The following MSI1 variants were observed in gnomAD, a reference collection of about 807,000 sequenced individuals.
MSI1 encodes the protein RNA-binding protein Musashi homolog 1.
Under a neutral mutation model 54.4 loss-of-function variants are expected in MSI1, and 15 were observed. The observed-to-expected ratio is 0.28, with a 90% confidence interval of 0.18 to 0.42. The LOEUF is 0.42. Ranked by LOEUF, MSI1 falls within the 20% of genes least tolerant of loss-of-function variation. The probability of loss-of-function intolerance (pLI) is 1.00; values close to 1 mark genes in which losing one functional copy is unlikely to be tolerated. For missense variants in MSI1, 304 were observed against 506.0 expected, an observed-to-expected ratio of 0.60 and a Z score of 3.83; for synonymous variants, 200 against 196.5, an observed-to-expected ratio of 1.02 and a Z score of -0.15.
At chr12:120,367,134 G>A (rs1035803377) in intron 4 of MSI1, among the ~76,000 whole-genome samples, 1 of 152,100 alleles carries the variant, frequency 6.6e-6, no homozygotes, top group African/African-American at 2.4e-5. Context: ...TTGGGCACAA[G>A]CAGCTATTGT....
chr12:120,345,087 C>T (rs544893668), intron 14 of MSI1, among the ~76,000 whole-genome samples: 1 of 152,052 alleles, frequency 6.6e-6, no homozygotes, highest in African/African-American at 2.4e-5. Flanking sequence ...GCTGGTGGCT[C>T]ACACCTGTAA....
At chr12:120,340,006 TG>T (rs1220479813), downstream of MSI1, among the ~76,000 whole-genome samples, 2 of 152,042 alleles carry the variant, frequency 1.3e-5, no homozygotes, top group Non-Finnish European at 2.9e-5. Flanking sequence ...AGTCTCGAAC[TG>T]CTGGACTCAA....
In MSI1 at chr12:120,346,195, G is replaced by C; in HGVS notation, c.987C>G (p.Val329=). The stretch of plus-strand genomic sequence containing the variant: ...GGCTGGCGGCGCTGATGTAACTGCT[G>C]ACCCCCGAGTCCTGGTTGGCCGCCC... ...LYGAANQDSG[V]SSYISAASPA... The change falls in exon 13 of 15, where the codon GTC becomes GTG. Residue 329 remains valine (V), a synonymous_variant. Transcript: ENST00000257552. 6.2e-7 allele frequency: 1 copy of C among 1,600,084 alleles called. No homozygotes were observed. Among genetic ancestry groups the C allele is most frequent in the Non-Finnish European group, 8.5e-7 (1 of 1,174,112 alleles).
chr12:120,340,629 C>T (rs374966613), downstream of MSI1, among the ~76,000 whole-genome samples: 262 of 152,208 alleles, frequency 1.7e-3, 1 homozygote, highest in African/African-American at 6.0e-3. Context: ...AATCTTCCCA[C>T]CTCTGTCCCC....
rs374704818 is a variant in MSI1 at position 120,362,551 on chromosome 12, G to T, written c.402+492C>A. 2.0e-4 allele frequency among the ~76,000 whole-genome samples: 31 copies of T among 152,272 alleles called. No homozygotes were observed. In the East Asian group the frequency reaches 5.6e-3, roughly 27 times the overall value. Reference sequence around the variant, plus strand: ...TCTCATCAGTTCCCCCCAATACCCAGGGGACCAGCAGCCCCCCAGCTCTGG... The same window carrying T: ...TCTCATCAGTTCCCCCCAATACCCATGGGACCAGCAGCCCCCCAGCTCTGG... On this transcript the variant is annotated intron_variant, in intron 6 of 14. Transcript: ENST00000257552.
At chr12:120,350,140 G>C (rs1056047790) in intron 11 of MSI1, among the ~76,000 whole-genome samples, 1 of 152,076 alleles carries the variant, frequency 6.6e-6, no homozygotes, top group Non-Finnish European at 1.5e-5. Flanking sequence ...TCCCACCTCA[G>C]CCTCCCAAGT....
At chr12:120,363,210 C>G in intron 5 of MSI1, 75 bp from the exon 6 acceptor site, 4 of 1,297,630 alleles carry the variant, frequency 3.1e-6, no homozygotes, top group Non-Finnish European at 4.4e-6. Context: ...CTCGAGCCCC[C>G]CTGCCAGGAT....
At position 120,342,671 on chromosome 12, in the gene MSI1, A is replaced by G. The variant is rs79651576; in HGVS notation, c.*456T>C. 6.6e-6 allele frequency: 1 copy of G among 150,716 alleles called. No individual in the cohort carries two copies. The highest frequency in any genetic ancestry group is 2.4e-5 in the African/African-American group (1 of 41,128). 9.3% of individuals were successfully genotyped at this position (150,716 alleles called of 1,614,324 possible). A position where few individuals can be genotyped will look rare whatever the true frequency, so the allele number is the denominator to read the frequency against. On this transcript the variant is annotated 3_prime_UTR_variant, in exon 15 of 15. Transcript: ENST00000257552. The stretch of plus-strand genomic sequence containing the variant: ...TCTTTAAAAAAAAAAAAAAAAAAAA[A>G]AAGGGAAAGGGTAAAGGAGGGGAAA...
chr12:120,363,195 A>C (rs1038082128), intron 5 of MSI1, 60 bp from the exon 6 acceptor site: 4 of 1,447,856 alleles, frequency 2.8e-6, no homozygotes, highest in Admixed American at 3.4e-5. Flanking sequence ...CGCCACCAGC[A>C]GGGGCTCGAG....
At chr12:120,351,158 C>T (rs1468961880) in intron 11 of MSI1, among the ~76,000 whole-genome samples, 186 bp downstream of exon 11, 1 of 152,070 alleles carries the variant, frequency 6.6e-6, no homozygotes, top group Non-Finnish European at 1.5e-5. Flanking sequence ...GCCCTATGCC[C>T]CACCCTTAAG....
Position 120,363,203 on chromosome 12 carries a change from G to A in MSI1, c.310-68C>T, listed in dbSNP as rs890855925. 36 of 1,360,228 alleles carry A rather than the reference G, an allele frequency of 2.6e-5. No individual in the cohort carries two copies. In the African/African-American group the frequency reaches 4.0e-4, roughly 15 times the overall value. The allele number at this position is 1,360,228 out of a possible 1,614,324, so 84.3% of individuals were successfully genotyped here. A position where few individuals can be genotyped will look rare whatever the true frequency, so the allele number is the denominator to read the frequency against. On this transcript the variant is annotated intron_variant, in intron 5 of 14. Transcript: ENST00000257552. ...GGCCTACCGCCACCAGCAGGGGCTC[G>A]AGCCCCCCTGCCAGGATGCCAGCTG...
At position 120,369,108 on chromosome 12, in the gene MSI1, C is replaced by T; in HGVS notation, c.-17G>A. 3.0e-6 allele frequency: 3 copies of T among 1,009,516 alleles called. No individual in the cohort carries two copies. The highest frequency in any genetic ancestry group is 3.5e-6 in the Non-Finnish European group (3 of 850,558). The allele number at this position is 1,009,516 out of a possible 1,614,324, so 62.5% of individuals were successfully genotyped here. A position where few individuals can be genotyped will look rare whatever the true frequency, so the allele number is the denominator to read the frequency against. On this transcript the variant is annotated 5_prime_UTR_variant, in exon 1 of 15. Coordinates refer to ENST00000257552, the MANE Select transcript of MSI1 (RefSeq NM_002442.4). ...AGTCTCCATCGGGAGCCGCGGGCGG[C>T]GCGGGCAGCGGAGCGGCGGCGGCGG...
chr12:120,351,544 A>G lies in MSI1; in HGVS notation c.734-144T>C, dbSNP rs1177639830. On this transcript the variant is annotated intron_variant, in intron 10 of 14. Coordinates refer to ENST00000257552, the MANE Select transcript of MSI1 (RefSeq NM_002442.4). ...CAAGAGCTGGGGAGGGGGAGAGCAC[A>G]GTTCCCAGAAGGCAGGGGAGGGCAA... is the stretch of plus-strand genomic sequence containing the variant. 6 of 673,008 alleles carry G rather than the reference A, an allele frequency of 8.9e-6. No individual in the cohort carries two copies. In the African/African-American group the frequency reaches 1.1e-4, roughly 12 times the overall value. The allele number at this position is 673,008 out of a possible 1,614,324, so 41.7% of individuals were successfully genotyped here.
rs973893935 is a variant in MSI1 at position 120,357,146 on chromosome 12, C to T, written c.535-127G>A. Reference sequence around the variant, plus strand: ...CAGCTGAAAACTATTTCATGGTTACCACTGATGGAGCACTCACTATGTGCT... The same window carrying T: ...CAGCTGAAAACTATTTCATGGTTACTACTGATGGAGCACTCACTATGTGCT... On this transcript the variant is annotated intron_variant, in intron 8 of 14. Coordinates refer to ENST00000257552, the MANE Select transcript of MSI1 (RefSeq NM_002442.4). 8 of 834,510 alleles carry T rather than the reference C, an allele frequency of 9.6e-6. No individual in the cohort carries two copies. The African/African-American group carries it at 1.3e-4, about 14-fold the overall frequency. The allele number at this position is 834,510 out of a possible 1,614,324, so 51.7% of individuals were successfully genotyped here.
Position 120,368,579 on chromosome 12 carries a change from C to T in MSI1, c.100+254G>A, listed in dbSNP as rs982818519. The stretch of plus-strand genomic sequence containing the variant: ...GCAGGTGCGAGCGGAGTTGGCGCTG[C>T]CGCCGGCGGGTCCCGGGGGCCCAGC... On this transcript the variant is annotated intron_variant, in intron 2 of 14. Transcript: ENST00000257552. This position sits in a 1 kb window ranked among gnomAD's most constrained non-coding sequence, Gnocchi z 6.6. Among the ~76,000 whole-genome samples the T allele has an allele frequency of 4.6e-5, 7 of 151,980 alleles. No homozygotes were observed. Among genetic ancestry groups the T allele is most frequent in the Non-Finnish European group, 7.4e-5 (5 of 67,964 alleles).
chr12:120,345,789 C>CACT (rs1241062160), intron 13 of MSI1, among the ~76,000 whole-genome samples, 157 bp from the exon 14 acceptor site: 1 of 151,954 alleles, frequency 6.6e-6, no homozygotes, highest in Non-Finnish European at 1.5e-5. Context: ...GATCACCCCC[C>CACT]ACTGCAGGTC....
downstream of MSI1, among the ~76,000 whole-genome samples, chr12:120,340,522 T>C (rs2136866016): frequency 6.6e-6 from 1 of 152,292 alleles, no homozygotes; most frequent in East Asian, 1.9e-4. Context: ...CTCTCTTCTT[T>C]TTTTTTGAGA....
In MSI1 at chr12:120,367,946, G is replaced by T. The variant is rs146513139; in HGVS notation, c.267+62C>A. On this transcript the variant is annotated intron_variant, in intron 4 of 14. Transcript: ENST00000257552. ...CCAGCTGTCCCCTGGGGAGAGTCCT[G>T]ACCCTCTCCTCCGGCAGCCTCCCTC... 336 of 1,504,340 alleles carry T rather than the reference G, an allele frequency of 2.2e-4. No individual in the cohort carries two copies. In the African/African-American group the frequency reaches 4.4e-3, roughly 20 times the overall value. The allele number at this position is 1,504,340 out of a possible 1,614,324, so 93.2% of individuals were successfully genotyped here.
At chr12:120,351,015 G>C (rs1403577893) in intron 11 of MSI1, among the ~76,000 whole-genome samples, 1 of 152,092 alleles carries the variant, frequency 6.6e-6, no homozygotes, top group Non-Finnish European at 1.5e-5. Context: ...AGCCCACTTT[G>C]CAATGAGTTT....
Sources: allele counts gnomAD v4.1 joint callset (sites outside exome capture counted in the v4.1 genomes callset), GRCh38; gene constraint gnomAD v4.1.1; non-coding constraint Gnocchi (gnomAD v3.1); transcripts MANE v1.5; gene names NCBI Gene and HGNC (gene_info 2026-07-23, HGNC 2026-07-21).